NFIA: variants seen among roughly 807,000 people sequenced by gnomAD.
NFIA encodes nuclear factor I A.
In NFIA, 8 loss-of-function variants were observed where a neutral mutation model predicts 62.8. The observed-to-expected ratio is 0.13, with a 90% CI of 0.07 to 0.23. The LOEUF (loss-of-function observed/expected upper bound fraction) is 0.23. Among genes scored for constraint, NFIA ranks in the 10% least tolerant of loss-of-function variants. NFIA has a pLI of 1.00. For missense variants in NFIA, 410 were observed against 642.1 expected (o/e 0.64, Z 3.91); for synonymous variants, 235 against 238.1 (o/e 0.99, Z 0.12).
At chr1:61,270,572 A>G (rs576491921) in intron 2 of NFIA, among the ~76,000 whole-genome samples, 1 of 152,364 alleles carries the variant, frequency 6.6e-6, no homozygotes, top group East Asian at 1.9e-4. Flanking sequence ...CATGTATTTT[A>G]TAGTAGGAAA....
chr1:61,389,422 A>G (rs1022767367), intron 7 of NFIA, among the ~76,000 whole-genome samples: 4 of 152,214 alleles, frequency 2.6e-5, no homozygotes, highest in African/African-American at 7.2e-5. Context: ...AGCTGAGCAT[A>G]TGGCCACTCT....
At chr1:61,387,468 C>G (rs374785206) in intron 7 of NFIA, among the ~76,000 whole-genome samples, 1 of 95,486 alleles carries the variant, frequency 1.0e-5, no homozygotes, top group Non-Finnish European at 2.0e-5. Context: ...CAAGCACTTT[C>G]TTTTTTTTTT....
At chr1:61,126,312 CT>C (rs1176362027) in intron 2 of NFIA, among the ~76,000 whole-genome samples, 1 of 152,092 alleles carries the variant, frequency 6.6e-6, no homozygotes, top group Non-Finnish European at 1.5e-5. Flanking sequence ...CTCATTGGTC[CT>C]GATTCGGCCT....
chr1:61,396,669 C>T (rs76996193), intron 7 of NFIA, among the ~76,000 whole-genome samples: 3 of 152,084 alleles, frequency 2.0e-5, no homozygotes, highest in Non-Finnish European at 2.9e-5. Context: ...TTTGGGAGGC[C>T]GTGGGGAGGC....
At chr1:61,428,351 A>T (rs941105992) in intron 10 of NFIA, among the ~76,000 whole-genome samples, 1 of 150,514 alleles carries the variant, frequency 6.6e-6, no homozygotes, top group Non-Finnish European at 1.5e-5. Context: ...GAATGATGTC[A>T]TGTAGGCCCA....
chr1:61,114,731 A>C (rs991607620), intron 2 of NFIA, among the ~76,000 whole-genome samples: 4 of 152,122 alleles, frequency 2.6e-5, no homozygotes, highest in African/African-American at 9.7e-5. Flanking sequence ...AAGTTTGGAC[A>C]TGGTATGCAT....
intron 2 of NFIA, among the ~76,000 whole-genome samples, chr1:61,243,781 T>G (rs1377059220): frequency 2.0e-5 from 3 of 152,212 alleles, no homozygotes; most frequent in African/African-American, 7.2e-5. Context: ...TAAGGCATAT[T>G]TTTGCAAATT....
upstream of NFIA, chr1:61,077,447 A>T (rs78817977): frequency 5.9e-3 from 1,966 of 331,450 alleles, 35 homozygotes; most frequent in East Asian, 0.046. Flanking sequence ...ATTTGGAGTT[A>T]AAAAAAAAAT....
chr1:61,375,331 C>T (rs1303239972), intron 6 of NFIA, among the ~76,000 whole-genome samples: 1 of 152,062 alleles, frequency 6.6e-6, no homozygotes, highest in African/African-American at 2.4e-5. Flanking sequence ...GTCTGATGGA[C>T]ATGACTGAGC....
intron 9 of NFIA, among the ~76,000 whole-genome samples, chr1:61,417,952 C>G (rs2100542888): frequency 6.6e-6 from 1 of 152,238 alleles, no homozygotes; most frequent in Middle Eastern, 3.4e-3. Context: ...GTCCATTATA[C>G]TGGACTCTAT....
intron 2 of NFIA, among the ~76,000 whole-genome samples, chr1:61,140,974 T>G (rs915468844): frequency 6.7e-6 from 1 of 148,264 alleles, no homozygotes; most frequent in Non-Finnish European, 1.5e-5. Context: ...GGTTTTTTTT[T>G]TTTTTTTTTT....
At chr1:61,266,332 G>A (rs952939189) in intron 2 of NFIA, among the ~76,000 whole-genome samples, 18 of 151,774 alleles carry the variant, frequency 1.2e-4, no homozygotes, top group Middle Eastern at 3.4e-3. Context: ...TGTATTTTAT[G>A]GCTCTGAAAG....
intron 3 of NFIA, among the ~76,000 whole-genome samples, chr1:61,293,229 T>G (rs1570528265): frequency 6.6e-6 from 1 of 152,204 alleles, no homozygotes; most frequent in African/African-American, 2.4e-5. Flanking sequence ...CCTTGCAAAT[T>G]TATGTTCTTG....
In NFIA at chr1:61,448,609, G is replaced by A. The variant is rs144691550; in HGVS notation, c.1513-6694G>A. On this transcript the variant is annotated intron_variant, in intron 10 of 10. Transcript: ENST00000403491. Reference sequence around the variant, plus strand: ...GAGTCTAAAACTGAGACCTAGTGATGCTAACTTGCCTAAGATTATCTAACT... The same window carrying A: ...GAGTCTAAAACTGAGACCTAGTGATACTAACTTGCCTAAGATTATCTAACT... Among the ~76,000 whole-genome samples, 588 of 152,318 alleles carry A rather than the reference G, an allele frequency of 3.9e-3. 9 individuals carry two copies. Among genetic ancestry groups the A allele is most frequent in the Non-Finnish European group, 2.4e-3 (160 of 68,028 alleles).
chr1:61,358,295 C>A (rs992135497), intron 5 of NFIA, among the ~76,000 whole-genome samples: 1 of 147,582 alleles, frequency 6.8e-6, no homozygotes, highest in African/African-American at 2.5e-5. Context: ...TTTGAATGAA[C>A]AACTCCAAGT....
intron 2 of NFIA, among the ~76,000 whole-genome samples, chr1:61,231,806 C>T (rs1390007049): frequency 6.6e-6 from 1 of 151,976 alleles, no homozygotes; most frequent in Admixed American, 6.6e-5. Flanking sequence ...AGCCACTGTA[C>T]TCCAGCCTGG....
At chr1:61,184,576 G>A (rs967740060) in intron 2 of NFIA, among the ~76,000 whole-genome samples, 2 of 152,234 alleles carry the variant, frequency 1.3e-5, no homozygotes, top group African/African-American at 4.8e-5. Flanking sequence ...CACTCGCTGG[G>A]TGAGAAGAGA....
At chr1:61,169,844 C>T (rs773885536) in intron 2 of NFIA, among the ~76,000 whole-genome samples, 12 of 152,078 alleles carry the variant, frequency 7.9e-5, no homozygotes, top group Non-Finnish European at 1.8e-4. Context: ...AAGAAATGGT[C>T]ATTGAGCCAT....
At chr1:61,378,014 C>T (rs769617607) in intron 6 of NFIA, among the ~76,000 whole-genome samples, 10 of 152,132 alleles carry the variant, frequency 6.6e-5, no homozygotes. Context: ...TAAGAAGATA[C>T]CTAAGGAAGA....
Sources: gnomAD v4.1 joint callset for allele counts (sites outside exome capture counted in the v4.1 genomes callset) on GRCh38, gnomAD v4.1.1 for gene constraint, MANE v1.5 for transcripts, NCBI Gene and HGNC (gene_info 2026-07-23, HGNC 2026-07-21) for gene names.